Variants in NCAM1 observed in about 807,000 individuals in gnomAD.
NCAM1 encodes neural cell adhesion molecule 1, also known as antigen recognized by monoclonal antibody 5.1H11.
NCAM1 carries 14 observed loss-of-function variants against 109.8 expected under a neutral mutation model. The observed-to-expected ratio is 0.13, with a 90% CI of 0.08 to 0.20. The LOEUF is 0.20. NCAM1 is among the 10% of genes least tolerant of loss of function. The probability of loss-of-function intolerance (pLI) is 1.00; values close to 1 mark genes in which losing one functional copy is unlikely to be tolerated. For missense variants in NCAM1, 774 were observed against 1,109.9 expected (o/e 0.70, Z 4.30); for synonymous variants, 418 against 442.9 (o/e 0.94, Z 0.70).
At chr11:113,122,519 C>A (rs927477700) in intron 1 of NCAM1, among the ~76,000 whole-genome samples, 1 of 152,342 alleles carries the variant, frequency 6.6e-6, no homozygotes, top group Non-Finnish European at 1.5e-5. Context: ...CATGGTGGCT[C>A]ATGCCTGTAA....
chr11:113,036,803 A>G (rs958085215), intron 1 of NCAM1, among the ~76,000 whole-genome samples: 8 of 151,956 alleles, frequency 5.3e-5, no homozygotes, highest in Non-Finnish European at 1.2e-4. Flanking sequence ...ATAGGCTAAG[A>G]TTTCATTACC....
At chr11:113,110,115 C>A (rs1278024304) in intron 1 of NCAM1, among the ~76,000 whole-genome samples, 1 of 152,104 alleles carries the variant, frequency 6.6e-6, no homozygotes, top group African/African-American at 2.4e-5. Flanking sequence ...AGATGGCAGG[C>A]ATATTTTTAA....
intron 1 of NCAM1, among the ~76,000 whole-genome samples, chr11:112,980,453 A>T (rs1225098429): frequency 6.6e-6 from 1 of 151,882 alleles, no homozygotes; most frequent in African/African-American, 2.4e-5. Flanking sequence ...TGGACCAAAA[A>T]ATGTGGTATA....
At chr11:112,966,579 C>A (rs1323353130) in intron 1 of NCAM1, among the ~76,000 whole-genome samples, 1 of 152,170 alleles carries the variant, frequency 6.6e-6, no homozygotes, top group Non-Finnish European at 1.5e-5. Flanking sequence ...TTACCTCTAG[C>A]CTCTTTTGTT....
At chr11:113,241,351 A>T (rs884110) in intron 14 of NCAM1, among the ~76,000 whole-genome samples, 2 of 152,036 alleles carry the variant, frequency 1.3e-5, no homozygotes, top group East Asian at 1.9e-4. Flanking sequence ...GAAAATAAAC[A>T]GTGTCTGGCA....
chr11:113,097,300 A>G (rs1397760782), intron 1 of NCAM1, among the ~76,000 whole-genome samples: 1 of 152,236 alleles, frequency 6.6e-6, no homozygotes, highest in Non-Finnish European at 1.5e-5. Flanking sequence ...TTTATTGAGC[A>G]TCTTCTGTAT....
At chr11:113,244,134 C>A (rs1945428649) in intron 14 of NCAM1, among the ~76,000 whole-genome samples, 1 of 152,112 alleles carries the variant, frequency 6.6e-6, no homozygotes, top group African/African-American at 2.4e-5. Flanking sequence ...TCACTCCTGT[C>A]CTTTTTCAAC....
intron 1 of NCAM1, among the ~76,000 whole-genome samples, chr11:113,048,287 A>G (rs571584094): frequency 6.6e-6 from 1 of 152,358 alleles, no homozygotes; most frequent in East Asian, 1.9e-4. Flanking sequence ...AAACAATGTT[A>G]AAACAATGGG....
At chr11:113,004,184 CAT>C (rs1951830488) in intron 1 of NCAM1, among the ~76,000 whole-genome samples, 1 of 152,152 alleles carries the variant, frequency 6.6e-6, no homozygotes, top group Admixed American at 6.5e-5. Flanking sequence ...CTTACACACA[CAT>C]ATATACACTT....
intron 1 of NCAM1, among the ~76,000 whole-genome samples, chr11:113,086,780 G>C (rs1253088887): frequency 6.6e-6 from 1 of 152,096 alleles, no homozygotes; most frequent in Non-Finnish European, 1.5e-5. Context: ...CAAATTTCCA[G>C]CTTCTGGCAG....
intron 1 of NCAM1, among the ~76,000 whole-genome samples, chr11:113,166,338 A>G (rs1293648254): frequency 6.6e-6 from 1 of 152,186 alleles, no homozygotes; most frequent in Non-Finnish European, 1.5e-5. Flanking sequence ...AGGGACTCTG[A>G]AAATCGTAGG....
intron 1 of NCAM1, among the ~76,000 whole-genome samples, chr11:112,990,712 T>C (rs4466874): frequency 0.45 from 68,026 of 151,358 alleles, 16,090 homozygotes; most frequent in East Asian, 0.8. Context: ...GTGAATGGTT[T>C]TGATAGAAGG....
At chr11:113,063,456 C>CA (rs1937778331) in intron 1 of NCAM1, among the ~76,000 whole-genome samples, 2 of 152,224 alleles carry the variant, frequency 1.3e-5, no homozygotes, top group Admixed American at 1.3e-4. Flanking sequence ...CACCCACTAG[C>CA]ACAGGCTGTC....
intron 17 of NCAM1, chr11:113,263,720 G>A: frequency 2.0e-6 from 2 of 985,560 alleles, no homozygotes; most frequent in Non-Finnish European, 2.4e-6. Context: ...TCAGCACAGA[G>A]TGGGGCCGTG....
intron 1 of NCAM1, among the ~76,000 whole-genome samples, chr11:113,100,678 C>A (rs1380998974): frequency 1.3e-5 from 2 of 152,064 alleles, no homozygotes; most frequent in African/African-American, 4.8e-5. Context: ...TCTGCCACAC[C>A]ACTCTGCTCC....
intron 1 of NCAM1, among the ~76,000 whole-genome samples, chr11:113,132,173 C>T (rs956785771): frequency 2.0e-5 from 3 of 152,186 alleles, no homozygotes; most frequent in Admixed American, 1.3e-4. Context: ...GGCCCTTCAT[C>T]GCCCCTTGCT....
At chr11:113,249,290 A>C (rs1457564325) in intron 15 of NCAM1, among the ~76,000 whole-genome samples, 1 of 152,186 alleles carries the variant, frequency 6.6e-6, no homozygotes, top group African/African-American at 2.4e-5. Flanking sequence ...GCAGGTCGAC[A>C]CAGACTTTTC....
At chr11:113,197,270 C>A (rs1399210790) in intron 1 of NCAM1, 2 of 192,404 alleles carry the variant, frequency 1.0e-5, no homozygotes, top group Non-Finnish European at 2.4e-5. Context: ...GCACTGCTTC[C>A]ATTCTTATGC....
intron 2 of NCAM1, among the ~76,000 whole-genome samples, chr11:113,203,768 A>G (rs1944147366): frequency 6.6e-6 from 1 of 152,242 alleles, no homozygotes; most frequent in Admixed American, 6.5e-5. Flanking sequence ...TGTGGCTGGA[A>G]AAAATGAAAT....
Sources: allele counts gnomAD v4.1 joint callset (sites outside exome capture counted in the v4.1 genomes callset), GRCh38; gene constraint gnomAD v4.1.1; transcripts MANE v1.5; gene names NCBI Gene and HGNC (gene_info 2026-07-23, HGNC 2026-07-21).